Variants in CPEB1 observed in about 807,000 individuals in gnomAD.
The protein encoded by CPEB1 is cytoplasmic polyadenylation element-binding protein 1.
Under a neutral mutation model 65.8 loss-of-function variants are expected in CPEB1, and 7 were observed. That is an observed-to-expected ratio of 0.11 (90% CI 0.06 to 0.20). The LOEUF (loss-of-function observed/expected upper bound fraction) is 0.20, where lower values mean the gene tolerates loss of function less well. Among genes scored for constraint, CPEB1 ranks in the 10% least tolerant of loss-of-function variants. The pLI is 1.00. For synonymous variants in CPEB1, 262 were observed against 260.0 expected, an observed-to-expected ratio of 1.01 and a Z score of -0.08; for missense variants, 551 against 712.2, an observed-to-expected ratio of 0.77 and a Z score of 2.58.
intron 3 of CPEB1, among the ~76,000 whole-genome samples, chr15:82,607,375 G>A (rs988968414): frequency 1.3e-5 from 2 of 152,140 alleles, no homozygotes; most frequent in South Asian, 2.1e-4. Flanking sequence ...ATCACCTGAG[G>A]TCAGGAGTTC....
At chr15:82,637,976 A>AC (rs1479907970) in intron 1 of CPEB1, 1 of 454,062 alleles carries the variant, frequency 2.2e-6, no homozygotes, top group East Asian at 7.0e-5. Flanking sequence ...GACAAAAAAA[A>AC]TTTATGGAGT....
At chr15:82,573,027 G>C (rs1464831616) in intron 3 of CPEB1, 2 of 1,533,820 alleles carry the variant, frequency 1.3e-6, no homozygotes, top group South Asian at 1.2e-5. Flanking sequence ...GACTCAGCTG[G>C]TAGCACTCCA....
At chr15:82,584,635 G>A (rs1454974255) in intron 3 of CPEB1, among the ~76,000 whole-genome samples, 2 of 140,702 alleles carry the variant, frequency 1.4e-5, no homozygotes, top group East Asian at 2.1e-4. Context: ...CCAAGATCAC[G>A]CCACTGCACT....
At chr15:82,553,628 C>T (rs1205648187) in intron 7 of CPEB1, 72 bp from the exon 8 acceptor site, 1 of 1,116,818 alleles carries the variant, frequency 9.0e-7, no homozygotes, top group Non-Finnish European at 1.3e-6. Flanking sequence ...AACACAGAAT[C>T]ACCAGCATTC....
chr15:82,612,428 CA>C (rs2044249447), intron 3 of CPEB1, among the ~76,000 whole-genome samples: 2 of 140,610 alleles, frequency 1.4e-5, no homozygotes, highest in South Asian at 4.4e-4. Flanking sequence ...GCCCGGGAGG[CA>C]GAGGTTGTAG....
At chr15:82,606,428 C>T (rs899558226) in intron 3 of CPEB1, among the ~76,000 whole-genome samples, 1 of 150,676 alleles carries the variant, frequency 6.6e-6, no homozygotes, top group African/African-American at 2.4e-5. Context: ...CGAGATGGCA[C>T]CACTGCACTC....
intron 3 of CPEB1, among the ~76,000 whole-genome samples, chr15:82,580,359 G>A (rs1231287177): frequency 6.6e-6 from 1 of 150,812 alleles, no homozygotes; most frequent in Non-Finnish European, 1.5e-5. Flanking sequence ...AAGAAATAAT[G>A]AAAAGTTTCC....
chr15:82,573,234 A>AT (rs11336258), intron 3 of CPEB1: 33,940 of 1,140,096 alleles, frequency 0.03, 5 homozygotes, highest in South Asian at 0.042. Flanking sequence ...TCCTTTGGAG[A>AT]TTTTTTTTTT....
intron 3 of CPEB1, chr15:82,573,224 TC>T: frequency 7.0e-7 from 1 of 1,425,614 alleles, no homozygotes; most frequent in Non-Finnish European, 9.2e-7. Flanking sequence ...TCAGTCTCCT[TC>T]CTTTGGAGAT....
chr15:82,546,219 C>T (rs546814890), intron 12 of CPEB1, among the ~76,000 whole-genome samples: 1 of 152,290 alleles, frequency 6.6e-6, no homozygotes, highest in South Asian at 2.1e-4. Context: ...AAGCTATTCG[C>T]CTGCCTCAGC....
intron 3 of CPEB1, among the ~76,000 whole-genome samples, chr15:82,613,411 A>C (rs1291874478): frequency 4.6e-5 from 7 of 152,052 alleles, no homozygotes; most frequent in Non-Finnish European, 7.4e-5. Flanking sequence ...TTTTGGAGAC[A>C]GTGTCTGGCT....
chr15:82,545,744 C>T (rs1595986517), intron 12 of CPEB1, among the ~76,000 whole-genome samples: 1 of 152,120 alleles, frequency 6.6e-6, no homozygotes, highest in Non-Finnish European at 1.5e-5. Context: ...ATATCAAAGT[C>T]GTCCAGAAGT....
chr15:82,635,732 A>T (rs2046606557), intron 1 of CPEB1, among the ~76,000 whole-genome samples: 1 of 152,200 alleles, frequency 6.6e-6, no homozygotes, highest in Admixed American at 6.5e-5. Context: ...AGCTAAGTGG[A>T]GATCAAGCAT....
At chr15:82,626,573 G>A in intron 3 of CPEB1, among the ~76,000 whole-genome samples, 1 of 152,220 alleles carries the variant, frequency 6.6e-6, no homozygotes, top group East Asian at 1.9e-4. Context: ...CTTGGAAAGA[G>A]TCAACTTCAG....
Position 82,553,872 on chromosome 15 carries a change from G to T in CPEB1, c.1054+6C>A. The T allele has an allele frequency of 6.4e-7, 1 of 1,568,468 alleles. No individual in the cohort carries two copies. Among genetic ancestry groups the T allele is most frequent in the Non-Finnish European group, 8.8e-7 (1 of 1,139,346 alleles). The stretch of plus-strand genomic sequence containing the variant: ...ACTCTTAAAGCAGGTCTTAGAGACA[G>T]CTCACCTTCTGTAATATCCCAAGGA... On this transcript the variant is annotated splice_donor_region_variant and intron_variant, in intron 7 of 12. Transcript: ENST00000684509.
chr15:82,594,687 C>T (rs1036190137), intron 3 of CPEB1, among the ~76,000 whole-genome samples: 1 of 152,168 alleles, frequency 6.6e-6, no homozygotes, highest in Non-Finnish European at 1.5e-5. Context: ...GCCTAACTTT[C>T]GGCCTACCAC....
chr15:82,605,530 C>T (rs1313494), intron 3 of CPEB1, among the ~76,000 whole-genome samples: 37,624 of 151,870 alleles, frequency 0.25, 4,865 homozygotes, highest in South Asian at 0.42. Flanking sequence ...TATAGTTGTA[C>T]TTGCTGAGAT....
At chr15:82,549,210 C>G (rs1286697463) in intron 10 of CPEB1, among the ~76,000 whole-genome samples, 1 of 152,246 alleles carries the variant, frequency 6.6e-6, no homozygotes, top group African/African-American at 2.4e-5. Context: ...CTACCTCACT[C>G]TCACTTCTTA....
intron 3 of CPEB1, among the ~76,000 whole-genome samples, chr15:82,578,822 A>T (rs140963590): frequency 6.6e-6 from 1 of 152,152 alleles, no homozygotes; most frequent in African/African-American, 2.4e-5. Context: ...ACAAAATTAC[A>T]TGTTTTTTTG....
Sources: allele counts gnomAD v4.1 joint callset (sites outside exome capture counted in the v4.1 genomes callset), GRCh38; gene constraint gnomAD v4.1.1; transcripts MANE v1.5; gene names NCBI Gene and HGNC (gene_info 2026-07-23, HGNC 2026-07-21).